Variants in SGCZ observed in about 807,000 individuals in gnomAD.
SGCZ encodes the protein sarcoglycan zeta.
A neutral mutation model predicts 41.3 loss-of-function variants in SGCZ; 40 were observed. That is an observed-to-expected ratio of 0.97 (90% CI 0.75 to 1.26). SGCZ has a LOEUF of 1.26. SGCZ is among the 50% of genes most tolerant of loss of function. The pLI is 0.00. For synonymous variants in SGCZ, 206 were observed against 137.5 expected, an observed-to-expected ratio of 1.50 and a Z score of -3.49; for missense variants, 552 against 369.8, an observed-to-expected ratio of 1.49 and a Z score of -4.04.
At chr8:14,766,129 T>A (rs936203283) in intron 1 of SGCZ, among the ~76,000 whole-genome samples, 13 of 151,890 alleles carry the variant, frequency 8.6e-5, no homozygotes, top group African/African-American at 2.2e-4. Flanking sequence ...CACCCAACTT[T>A]TTAATATTTT....
intron 1 of SGCZ, among the ~76,000 whole-genome samples, chr8:15,180,232 C>A (rs900660300): frequency 1.4e-4 from 22 of 152,020 alleles, no homozygotes; most frequent in Admixed American, 2.6e-4. Flanking sequence ...ATGTTCTCCC[C>A]AGTTTATCTG....
At position 14,472,730 on chromosome 8, in the gene SGCZ, T is replaced by C. The variant is rs147934369; in HGVS notation, c.234+82002A>G. Among the ~76,000 whole-genome samples, 378 of 152,296 alleles carry C rather than the reference T, an allele frequency of 2.5e-3. 3 individuals are homozygous for C. Among genetic ancestry groups the C allele is most frequent in the African/African-American group, 8.2e-3 (343 of 41,584 alleles). On this transcript the variant is annotated intron_variant, in intron 2 of 7. Transcript: ENST00000382080. ...TCAGTATTAAAATGTTCCTCCTGTA[T>C]ACATTCAAACTTTATTCTATACAAA...
chr8:15,090,149 G>A (rs973477626), intron 1 of SGCZ, among the ~76,000 whole-genome samples: 1 of 152,160 alleles, frequency 6.6e-6, no homozygotes, highest in Admixed American at 6.6e-5. Flanking sequence ...CTGGTTGAAT[G>A]TTACAGTTCA....
chr8:14,776,518 C>CTTTTT (rs35602866), intron 1 of SGCZ, among the ~76,000 whole-genome samples: 15 of 116,632 alleles, frequency 1.3e-4, no homozygotes, highest in East Asian at 2.4e-4. Flanking sequence ...TTTTCTTTTT[C>CTTTTT]TTTTTTTTTT....
intron 2 of SGCZ, among the ~76,000 whole-genome samples, chr8:14,545,468 T>C (rs1382172132): frequency 3.3e-5 from 5 of 152,056 alleles, no homozygotes; most frequent in African/African-American, 1.2e-4. Context: ...AGATTATTAC[T>C]TTTATTTCAT....
intron 1 of SGCZ, among the ~76,000 whole-genome samples, chr8:15,177,515 G>A (rs1800035303): frequency 1.3e-5 from 2 of 152,036 alleles, no homozygotes; most frequent in South Asian, 2.1e-4. Context: ...TCTTACAATG[G>A]GAGGCATTGT....
At chr8:14,959,734 C>CA (rs1317696369) in intron 1 of SGCZ, among the ~76,000 whole-genome samples, 1 of 152,130 alleles carries the variant, frequency 6.6e-6, no homozygotes, top group African/African-American at 2.4e-5. Context: ...TGTAATCGTT[C>CA]ACGCTTTAAT....
At chr8:14,125,421 G>A (rs532007587) in intron 5 of SGCZ, among the ~76,000 whole-genome samples, 17 of 151,430 alleles carry the variant, frequency 1.1e-4, no homozygotes, top group East Asian at 7.8e-4. Flanking sequence ...GGAGAATGGC[G>A]TGAACCAGGG....
chr8:14,231,824 G>A (rs987614956), intron 4 of SGCZ, among the ~76,000 whole-genome samples: 1 of 151,956 alleles, frequency 6.6e-6, no homozygotes, highest in Non-Finnish European at 1.5e-5. Context: ...GATCATATGC[G>A]TTCTTTTAAA....
chr8:14,365,948 T>C (rs2117146645), intron 2 of SGCZ, among the ~76,000 whole-genome samples: 1 of 152,242 alleles, frequency 6.6e-6, no homozygotes, highest in Admixed American at 6.5e-5. Flanking sequence ...TCAAATGCAT[T>C]AATCTTTCCA....
chr8:15,160,518 T>A (rs988652876), intron 1 of SGCZ, among the ~76,000 whole-genome samples: 1 of 151,700 alleles, frequency 6.6e-6, no homozygotes, highest in Non-Finnish European at 1.5e-5. Flanking sequence ...CACAACCCTA[T>A]TCCCCAGGAG....
chr8:15,222,842 G>A (rs903286607), intron 1 of SGCZ, among the ~76,000 whole-genome samples: 7 of 151,842 alleles, frequency 4.6e-5, no homozygotes, highest in African/African-American at 1.7e-4. Flanking sequence ...ACCTTATTTT[G>A]CACAGAGAAG....
rs539827245 is a variant in SGCZ at position 14,869,587 on chromosome 8, A to G, written c.40-314661T>C. The stretch of plus-strand genomic sequence containing the variant: ...CAACATAGTGTTGGAAATTCTGTCC[A>G]GGGCAATCAGGCAAGAGAAAGAAAT... On this transcript the variant is annotated intron_variant, in intron 1 of 7. Coordinates refer to ENST00000382080, the MANE Select transcript of SGCZ (RefSeq NM_139167.4). Among the ~76,000 whole-genome samples the G allele has an allele frequency of 3.3e-5, 5 of 152,352 alleles. No individual in the cohort carries two copies. The South Asian group carries it at 6.2e-4, about 19-fold the overall frequency.
intron 3 of SGCZ, among the ~76,000 whole-genome samples, chr8:14,308,567 CT>C (rs1801420825): frequency 1.3e-5 from 2 of 151,726 alleles, no homozygotes; most frequent in Admixed American, 6.6e-5. Flanking sequence ...CTTTATACTG[CT>C]TGTGTTTGTT....
At chr8:14,309,564 T>C in intron 3 of SGCZ, 1 of 1,610,662 alleles carries the variant, frequency 6.2e-7, no homozygotes, top group Non-Finnish European at 8.5e-7. Flanking sequence ...ACAGGGACGG[T>C]ATAACAAGGA....
At chr8:14,459,840 A>G (rs1160294048) in intron 2 of SGCZ, among the ~76,000 whole-genome samples, 3 of 152,198 alleles carry the variant, frequency 2.0e-5, no homozygotes, top group Admixed American at 6.5e-5. Flanking sequence ...AAAAGAAAAC[A>G]TCAGAGAACC....
chr8:14,580,117 C>T (rs1414635576), intron 1 of SGCZ, among the ~76,000 whole-genome samples: 1 of 152,126 alleles, frequency 6.6e-6, no homozygotes, highest in African/African-American at 2.4e-5. Flanking sequence ...AAAGACAGAC[C>T]TAATAACATA....
chr8:14,441,753 C>T (rs1052870075), intron 2 of SGCZ, among the ~76,000 whole-genome samples: 4 of 152,098 alleles, frequency 2.6e-5, no homozygotes, highest in Non-Finnish European at 5.9e-5. Flanking sequence ...CTCCTTAAAA[C>T]GGTACATCAT....
At chr8:14,149,021 A>G (rs921730800) in intron 5 of SGCZ, among the ~76,000 whole-genome samples, 3 of 152,148 alleles carry the variant, frequency 2.0e-5, no homozygotes, top group Non-Finnish European at 4.4e-5. Context: ...ACCTGGGTAT[A>G]GAAGGAACAT....
Sources: allele counts gnomAD v4.1 joint callset (sites outside exome capture counted in the v4.1 genomes callset), GRCh38; gene constraint gnomAD v4.1.1; transcripts MANE v1.5; gene names NCBI Gene and HGNC (gene_info 2026-07-23, HGNC 2026-07-21).